RGS12: variants seen among roughly 807,000 people sequenced by gnomAD.
RGS12 encodes regulator of G protein signaling 12.
RGS12 carries 66 observed loss-of-function variants against 120.1 expected under a neutral mutation model. That is an observed-to-expected ratio of 0.55 (90% CI 0.45 to 0.67). The LOEUF is 0.67. Among genes scored for constraint, RGS12 ranks in the 30% least tolerant of loss-of-function variants. RGS12 has a pLI of 0.00. For synonymous variants in RGS12, 827 were observed against 804.7 expected (o/e 1.03, Z -0.47); for missense variants, 1,859 against 1,957.7 (o/e 0.95, Z 0.95).
At chr4:3,403,339 C>T (rs964290906) in intron 4 of RGS12, among the ~76,000 whole-genome samples, 6 of 152,158 alleles carry the variant, frequency 3.9e-5, no homozygotes, top group Admixed American at 1.3e-4. Flanking sequence ...TCGAGGGGTC[C>T]GTGAGACCTG....
Position 3,386,404 on chromosome 4 carries a change from C to T in RGS12, c.1999-12C>T, listed in dbSNP as rs529727013. 3.1e-6 allele frequency: 5 copies of T among 1,611,978 alleles called. No individual in the cohort carries two copies. The African/African-American group carries it at 6.7e-5, about 21-fold the overall frequency. On this transcript the variant is annotated splice_polypyrimidine_tract_variant and intron_variant, in intron 3 of 17. Coordinates refer to ENST00000336727, the MANE Select transcript of RGS12 (RefSeq NM_001394154.1). ...GCTTAATTAACTCATGTCTCTCTCTCTTTTCTTTCAGTCTGCAACTGTGTC... is the reference window on the plus strand; with the variant it reads ...GCTTAATTAACTCATGTCTCTCTCTTTTTTCTTTCAGTCTGCAACTGTGTC...
At chr4:3,318,154 C>A in intron 2 of RGS12, 103 bp downstream of exon 2, 1 of 1,046,566 alleles carries the variant, frequency 9.6e-7, no homozygotes, top group Non-Finnish European at 1.4e-6. Context: ...CTGGCTTCCT[C>A]CTGCTGGCCC....
At chr4:3,296,843 G>C (rs1419872696) in intron 1 of RGS12, among the ~76,000 whole-genome samples, 1 of 152,238 alleles carries the variant, frequency 6.6e-6, no homozygotes, top group Non-Finnish European at 1.5e-5. Context: ...TGCTCAGGAT[G>C]CAAGCCCCAG....
At chr4:3,331,396 TA>T (rs1235174431) in intron 2 of RGS12, among the ~76,000 whole-genome samples, 3 of 151,060 alleles carry the variant, frequency 2.0e-5, no homozygotes, top group South Asian at 2.1e-4. Context: ...ACATATTTAC[TA>T]AAAAAAAACT....
chr4:3,400,106 A>C (rs1311319246), intron 4 of RGS12, among the ~76,000 whole-genome samples: 1 of 152,254 alleles, frequency 6.6e-6, no homozygotes, highest in Admixed American at 6.5e-5. Context: ...TTGTCTTTAC[A>C]CAGGGCATAG....
At chr4:3,315,956 G>C in intron 1 of RGS12, 114 bp from the exon 2 acceptor site, 1 of 463,564 alleles carries the variant, frequency 2.2e-6, no homozygotes, top group Admixed American at 3.9e-5. Flanking sequence ...ACACTTAGAG[G>C]CTCTTTCTGT....
At chr4:3,416,814 A>G in intron 7 of RGS12, 99 bp from the exon 8 acceptor site, 1 of 1,064,220 alleles carries the variant, frequency 9.4e-7, no homozygotes, top group Non-Finnish European at 1.4e-6. Flanking sequence ...CTTTCAGGAC[A>G]GGGCCAGTGG....
At chr4:3,430,320 G>A in intron 16 of RGS12, 87 bp from the exon 17 acceptor site, 1 of 1,257,180 alleles carries the variant, frequency 8.0e-7, no homozygotes, top group East Asian at 2.3e-5. Flanking sequence ...GACAGCCCAG[G>A]ATGAGAGCTT....
At chr4:3,309,771 G>C (rs111904104) in intron 1 of RGS12, among the ~76,000 whole-genome samples, 1 of 143,676 alleles carries the variant, frequency 7.0e-6, no homozygotes, top group African/African-American at 2.6e-5. Context: ...TGGGACTCGG[G>C]AATGGCAGGT....
At chr4:3,422,632 C>A in intron 11 of RGS12, 62 bp downstream of exon 11, 2 of 1,531,366 alleles carry the variant, frequency 1.3e-6, no homozygotes, top group Admixed American at 3.7e-5. Flanking sequence ...TCCCTGGCCC[C>A]CAGCTTTGTC....
intron 8 of RGS12, 34 bp from the exon 9 acceptor site, chr4:3,417,354 C>A: frequency 6.5e-7 from 1 of 1,542,556 alleles, no homozygotes; most frequent in South Asian, 1.2e-5. Context: ...AATAACTTCA[C>A]ATTGTTTTAA....
chr4:3,333,455 A>G (rs904122124), intron 2 of RGS12, among the ~76,000 whole-genome samples: 1 of 152,220 alleles, frequency 6.6e-6, no homozygotes, highest in Non-Finnish European at 1.5e-5. Context: ...TATTTAATAC[A>G]TTTATTACTA....
At chr4:3,313,846 G>A (rs1288276027) in intron 1 of RGS12, among the ~76,000 whole-genome samples, 1 of 152,184 alleles carries the variant, frequency 6.6e-6, no homozygotes, top group Non-Finnish European at 1.5e-5. Context: ...ACGTGGTCAC[G>A]TGGATGGGAG....
At position 3,414,106 on chromosome 4, in the gene RGS12, C is replaced by G; in HGVS notation, c.2055C>G (p.Ser685Arg). ...GCGCCGACCTGAAGGACTGCGTCAG[C>G]AACAACAGCCTGAGCAGCAATGCCA... ...LTGADLKDCV[S>R]NNSLSSNASL... Residue 685 changes from serine (S) to arginine (R), a missense_variant, in exon 5 of 18, where the codon AGC becomes AGG. Ser to Arg is a moderately radical substitution (Grantham distance 110). Transcript: ENST00000336727. The G allele has an allele frequency of 6.4e-7, 1 of 1,573,392 alleles. No homozygotes were observed. The highest frequency in any genetic ancestry group is 8.6e-7 in the Non-Finnish European group (1 of 1,165,828).
At chr4:3,395,166 G>A (rs1031792854) in intron 4 of RGS12, among the ~76,000 whole-genome samples, 7 of 151,000 alleles carry the variant, frequency 4.6e-5, no homozygotes, top group African/African-American at 1.5e-4. Flanking sequence ...CAGAGTTTGC[G>A]CCACTGCACT....
intron 4 of RGS12, among the ~76,000 whole-genome samples, chr4:3,398,006 T>C (rs558284019): frequency 6.6e-6 from 1 of 152,360 alleles, no homozygotes; most frequent in South Asian, 2.1e-4. Flanking sequence ...TTCTCTCATC[T>C]GTAAAATGGA....
At chr4:3,427,974 A>C in intron 14 of RGS12, 116 bp from the exon 15 acceptor site, 1 of 956,994 alleles carries the variant, frequency 1.0e-6, no homozygotes, top group Non-Finnish European at 1.7e-6. Context: ...TAAGGGCAGC[A>C]GATGCCTTGT....
chr4:3,337,853 A>G (rs1712641152), intron 2 of RGS12, among the ~76,000 whole-genome samples: 1 of 152,190 alleles, frequency 6.6e-6, no homozygotes, highest in African/African-American at 2.4e-5. Flanking sequence ...TTTTAAAATC[A>G]GATTGAATAA....
intron 1 of RGS12, among the ~76,000 whole-genome samples, chr4:3,296,472 G>C (rs1301902703): frequency 6.6e-6 from 1 of 152,016 alleles, no homozygotes; most frequent in Non-Finnish European, 1.5e-5. Flanking sequence ...TTGCAGGCAC[G>C]AGCCACCGCG....
Sources: allele counts gnomAD v4.1 joint callset (sites outside exome capture counted in the v4.1 genomes callset), GRCh38; gene constraint gnomAD v4.1.1; transcripts MANE v1.5; gene names NCBI Gene and HGNC (gene_info 2026-07-23, HGNC 2026-07-21).